The following FRY variants were observed in gnomAD, a reference collection of about 807,000 sequenced individuals.
FRY encodes the protein protein furry homolog.
FRY carries 128 observed loss-of-function variants against 348.4 expected under a neutral mutation model. The observed-to-expected ratio is 0.37, with a 90% CI of 0.32 to 0.43. The LOEUF is 0.43. Among genes scored for constraint, FRY ranks in the 20% least tolerant of loss-of-function variants. FRY has a pLI of 1.00. For missense variants in FRY, 2,736 were observed against 3,695.2 expected, an observed-to-expected ratio of 0.74 and a Z score of 6.73; for synonymous variants, 1,370 against 1,374.7, an observed-to-expected ratio of 1.00 and a Z score of 0.08.
At chr13:32,069,961 G>A (rs1454018188) in intron 1 of FRY, among the ~76,000 whole-genome samples, 2 of 151,322 alleles carry the variant, frequency 1.3e-5, no homozygotes, top group East Asian at 3.9e-4. Flanking sequence ...AGAACATGCA[G>A]TGTTTGGTTT....
intron 3 of FRY, among the ~76,000 whole-genome samples, chr13:32,112,699 G>T (rs1334936224): frequency 6.6e-6 from 1 of 152,156 alleles, no homozygotes; most frequent in African/African-American, 2.4e-5. Context: ...ACATACTTTT[G>T]TGTACTTGTG....
Position 32,155,501 on chromosome 13 carries a change from T to C in FRY, c.1490T>C (p.Ile497Thr), listed in dbSNP as rs770965843. 4.3e-6 allele frequency: 7 copies of C among 1,612,678 alleles called. No homozygotes were observed. In the East Asian group the frequency reaches 1.3e-4, roughly 31 times the overall value. Residue 497 changes from isoleucine to threonine, a missense_variant, in exon 15 of 61, where the codon ATT (isoleucine) becomes ACT (threonine). Transcript: ENST00000542859. ...TATTGTCTCTTACAGAGAATGAACATTGGTTTACGGGCATTCTTGGTCATA... is the reference window on the plus strand; with the variant it reads ...TATTGTCTCTTACAGAGAATGAACACTGGTTTACGGGCATTCTTGGTCATA... ...AFSLNPERMN[I>T]GLRAFLVIAD...
chr13:32,221,905 A>G (rs1424315496), intron 36 of FRY, among the ~76,000 whole-genome samples: 4 of 152,228 alleles, frequency 2.6e-5, no homozygotes, highest in African/African-American at 9.6e-5. Context: ...TGTAGGTAGT[A>G]GGGAGAAAAC....
At chr13:32,059,458 CAAAAAAAA>C (rs10692049) in intron 1 of FRY, among the ~76,000 whole-genome samples, 2 of 111,440 alleles carry the variant, frequency 1.8e-5, no homozygotes, top group Non-Finnish European at 3.6e-5. Context: ...ACTTAGGAAG[CAAAAAAAA>C]AAAAAAAAAA....
In FRY at chr13:32,237,333, T is replaced by C. The variant is rs1222226726; in HGVS notation, c.5811-46T>C. Reference sequence around the variant, plus strand: ...TGGACTTGAAAGGACTGGCTTTTGGTGACACATGTTGGCATCCTATTAAAC... The same window carrying C: ...TGGACTTGAAAGGACTGGCTTTTGGCGACACATGTTGGCATCCTATTAAAC... On this transcript the variant is annotated intron_variant, in intron 43 of 60. Transcript: ENST00000542859. This position sits in a 1 kb window ranked among gnomAD's most constrained non-coding sequence, Gnocchi z 6.3. The C allele has an allele frequency of 6.2e-7, 1 of 1,604,122 alleles. No homozygotes were observed. The highest frequency in any genetic ancestry group is 8.5e-7 in the Non-Finnish European group (1 of 1,175,516).
At chr13:32,089,092 C>A (rs1303206448) in intron 2 of FRY, among the ~76,000 whole-genome samples, 1 of 152,158 alleles carries the variant, frequency 6.6e-6, no homozygotes, top group Admixed American at 6.5e-5. Flanking sequence ...TGTTTCCACA[C>A]AACATTTTGC....
chr13:32,136,383 G>C (rs7331540), intron 10 of FRY, among the ~76,000 whole-genome samples: 74,296 of 151,930 alleles, frequency 0.49, 18,779 homozygotes, highest in East Asian at 0.81. Flanking sequence ...ACTTCTTTTA[G>C]GAATCTTCCT....
intron 2 of FRY, among the ~76,000 whole-genome samples, chr13:32,099,753 T>C (rs1282130308): frequency 6.6e-6 from 1 of 151,924 alleles, no homozygotes; most frequent in Non-Finnish European, 1.5e-5. Flanking sequence ...GAGGTCTTGC[T>C]TTGAGTTACA....
chr13:32,212,349 A>G lies in FRY; in HGVS notation c.4649A>G (p.Glu1550Gly), dbSNP rs1884734986. The part of the protein sequence containing the change: ...VAGQENFPDA[E>G]ENKILKESDE... Reference sequence around the variant, plus strand: ...GGCCAGGAAAATTTCCCAGATGCTGAGGAGAACAAGATATTGAAAGAATCT... The same window carrying G: ...GGCCAGGAAAATTTCCCAGATGCTGGGGAGAACAAGATATTGAAAGAATCT... The change falls in exon 35 of 61, where the codon GAG (glutamate) becomes GGG (glycine). Residue 1550 changes from glutamate (E) to glycine (G), a missense_variant. Glu to Gly is a moderately conservative substitution (Grantham distance 98, BLOSUM62 -2). Around this residue, in one of 9 missense-constraint regions of FRY, gnomAD observed 794 missense variants for 977.0 expected, o/e 0.81. Coordinates refer to ENST00000542859, the MANE Select transcript of FRY (RefSeq NM_023037.3). 1 of 1,608,818 alleles carries G rather than the reference A, an allele frequency of 6.2e-7. No homozygotes were observed. Among genetic ancestry groups the G allele is most frequent in the African/African-American group, 1.3e-5 (1 of 74,880 alleles).
intron 2 of FRY, among the ~76,000 whole-genome samples, chr13:32,096,885 T>C (rs1876765176): frequency 6.6e-6 from 1 of 152,148 alleles, no homozygotes; most frequent in South Asian, 2.1e-4. Context: ...TGTTATTTTA[T>C]TGCAGCATTG....
chr13:32,055,619 C>T (rs1157794201), intron 1 of FRY, among the ~76,000 whole-genome samples: 2 of 152,002 alleles, frequency 1.3e-5, no homozygotes, highest in Non-Finnish European at 2.9e-5. Flanking sequence ...TGTCAGACCC[C>T]TCTCCAAAAA....
Position 32,267,318 on chromosome 13 carries a change from T to C in FRY, c.8095T>C (p.Cys2699Arg), listed in dbSNP as rs1887974655. ...NQLMCDSDGSCAVYTFHVFSS... is the reference protein window; with the variant it reads ...NQLMCDSDGSRAVYTFHVFSS... ...GCTTATGTGTGACTCAGATGGCTCC[T>C]GTGCTGTGTATACATTTCATGTGTT... Residue 2699 changes from cysteine (C) to arginine (R), a missense_variant, in exon 55 of 61, where the codon TGT (cysteine) becomes CGT (arginine). Transcript: ENST00000542859. 1 of 1,614,182 alleles carries C rather than the reference T, an allele frequency of 6.2e-7. No homozygotes were observed. The highest frequency in any genetic ancestry group is 1.7e-5 in the Admixed American group (1 of 60,026).
chr13:32,227,425 C>T, intron 39 of FRY, among the ~76,000 whole-genome samples: 1 of 152,138 alleles, frequency 6.6e-6, no homozygotes. Flanking sequence ...CCCAGGACTC[C>T]TCACTTCTAA....
At chr13:32,049,200 C>T (rs1873189472) in intron 1 of FRY, among the ~76,000 whole-genome samples, 1 of 152,102 alleles carries the variant, frequency 6.6e-6, no homozygotes, top group African/African-American at 2.4e-5. Context: ...TCCATGGAGA[C>T]TGTGACATTT....
intron 11 of FRY, among the ~76,000 whole-genome samples, chr13:32,139,326 G>A (rs1206821569): frequency 3.9e-5 from 6 of 152,000 alleles, no homozygotes; most frequent in African/African-American, 1.2e-4. Flanking sequence ...CTTCCCCGAC[G>A]CACCTTTCTG....
chr13:32,053,987 C>T (rs1439999718), intron 1 of FRY, among the ~76,000 whole-genome samples: 2 of 84,684 alleles, frequency 2.4e-5, no homozygotes, highest in African/African-American at 9.5e-5. Flanking sequence ...AAGACTCTCT[C>T]TCAAAAAAAA....
At chr13:32,115,171 T>C (rs1453593348) in intron 3 of FRY, among the ~76,000 whole-genome samples, 14 of 152,200 alleles carry the variant, frequency 9.2e-5, no homozygotes, top group Admixed American at 9.2e-4. Flanking sequence ...AATATTTTGT[T>C]CAATCTTAAG....
chr13:32,079,232 C>T (rs993883997), intron 2 of FRY, among the ~76,000 whole-genome samples, 199 bp downstream of exon 2: 6 of 152,142 alleles, frequency 3.9e-5, no homozygotes, highest in African/African-American at 1.4e-4. Context: ...GATTTTAAAA[C>T]GATCTTCAGC....
chr13:32,225,113 A>G, intron 38 of FRY, 77 bp downstream of exon 38: 1 of 851,674 alleles, frequency 1.2e-6, no homozygotes. Context: ...ATTTCCTTTC[A>G]CATTGACATC....
Sources: gnomAD v4.1 joint callset for allele counts (sites outside exome capture counted in the v4.1 genomes callset) on GRCh38, gnomAD v4.1.1 for gene constraint, gnomAD v4.1.1 regional missense constraint, Gnocchi (gnomAD v3.1) non-coding constraint, MANE v1.5 for transcripts, NCBI Gene and HGNC (gene_info 2026-07-23, HGNC 2026-07-21) for gene names.